TRPM3: variants seen among roughly 807,000 people sequenced by gnomAD.
TRPM3 encodes the protein transient receptor potential cation channel subfamily M member 3.
A neutral mutation model predicts 181.2 loss-of-function variants in TRPM3; 77 were observed. That is an observed-to-expected ratio of 0.42 (90% CI 0.35 to 0.51). TRPM3 has a LOEUF of 0.51. Ranked by LOEUF, TRPM3 falls within the 20% of genes least tolerant of loss-of-function variation. The probability of loss-of-function intolerance (pLI) is 0.01; values close to 1 mark genes in which losing one functional copy is unlikely to be tolerated. For synonymous variants in TRPM3, 745 were observed against 796.4 expected (o/e 0.94, Z 1.09); for missense variants, 1,759 against 2,196.7 (o/e 0.80, Z 3.98).
At chr9:70,664,939 C>T (rs953386323) in intron 9 of TRPM3, among the ~76,000 whole-genome samples, 2 of 152,112 alleles carry the variant, frequency 1.3e-5, no homozygotes, top group African/African-American at 4.8e-5. Context: ...CGTGAGCCAC[C>T]ACACCGGCCT....
chr9:70,554,577 G>T (rs2047210390), intron 22 of TRPM3, among the ~76,000 whole-genome samples: 1 of 152,148 alleles, frequency 6.6e-6, no homozygotes, highest in Non-Finnish European at 1.5e-5. Flanking sequence ...CCAATGCCCA[G>T]CTTGGCTCCA....
chr9:70,991,729 A>T (rs546296078), intron 1 of TRPM3, among the ~76,000 whole-genome samples: 1 of 152,176 alleles, frequency 6.6e-6, no homozygotes, highest in African/African-American at 2.4e-5. Context: ...AGTCCACACC[A>T]ATTAGCATCC....
At position 70,553,794 on chromosome 9, in the gene TRPM3, G is replaced by T. The variant is rs552987908; in HGVS notation, c.3224-484C>A. On this transcript the variant is annotated intron_variant, in intron 22 of 25. Coordinates refer to ENST00000677713, the MANE Select transcript of TRPM3 (RefSeq NM_001366145.2). ...ATTAACAACAGGGCAGCTGTTAATT[G>T]CTGCAAGAAACAACCTGGGAGCTCC... Among the ~76,000 whole-genome samples, 379 of 152,328 alleles carry T rather than the reference G, an allele frequency of 2.5e-3. 4 individuals are homozygous for T. Among genetic ancestry groups the T allele is most frequent in the African/African-American group, 8.9e-3 (370 of 41,550 alleles).
At chr9:70,583,569 A>G (rs1446576645) in intron 22 of TRPM3, among the ~76,000 whole-genome samples, 1 of 152,226 alleles carries the variant, frequency 6.6e-6, no homozygotes, top group African/African-American at 2.4e-5. Context: ...GAAAAGTGGA[A>G]TATTCCAAGG....
intron 1 of TRPM3, among the ~76,000 whole-genome samples, chr9:70,873,773 T>C (rs2132598531): frequency 6.6e-6 from 1 of 152,126 alleles, no homozygotes; most frequent in East Asian, 1.9e-4. Flanking sequence ...TTATTTTCTT[T>C]CCAACATGTA....
intron 1 of TRPM3, among the ~76,000 whole-genome samples, chr9:71,113,883 G>A (rs1457954627): frequency 6.6e-6 from 1 of 152,172 alleles, no homozygotes; most frequent in Non-Finnish European, 1.5e-5. Flanking sequence ...TGTTAAGTGT[G>A]TAACATTCAT....
At chr9:70,799,273 C>T (rs551269577) in intron 6 of TRPM3, among the ~76,000 whole-genome samples, 1 of 152,210 alleles carries the variant, frequency 6.6e-6, no homozygotes, top group East Asian at 1.9e-4. Flanking sequence ...GACCTTCATT[C>T]ACCACCAAGG....
chr9:70,615,874 G>A, intron 18 of TRPM3, 34 bp downstream of exon 18: 2 of 1,572,046 alleles, frequency 1.3e-6, no homozygotes, highest in Non-Finnish European at 8.6e-7. Flanking sequence ...TAGGAATTCT[G>A]CCCATAGAGA....
At chr9:70,986,136 G>A (rs1208325521) in intron 1 of TRPM3, among the ~76,000 whole-genome samples, 1 of 152,138 alleles carries the variant, frequency 6.6e-6, no homozygotes, top group Non-Finnish European at 1.5e-5. Context: ...AAGGCAGGAG[G>A]ATCCCTTGAG....
intron 1 of TRPM3, among the ~76,000 whole-genome samples, chr9:71,420,603 GAGAA>G (rs140207567): frequency 0.046 from 6,171 of 133,550 alleles, 203 homozygotes; most frequent in African/African-American, 0.085. Context: ...AGAAAGAGAA[GAGAA>G]AGAAAGAAAG....
intron 1 of TRPM3, among the ~76,000 whole-genome samples, chr9:71,047,057 G>A (rs1038692686): frequency 2.0e-5 from 3 of 152,250 alleles, no homozygotes; most frequent in African/African-American, 7.2e-5. Flanking sequence ...TTTTCTTATA[G>A]TATTTTATAA....
chr9:71,266,037 A>G (rs2083374373), intron 1 of TRPM3, among the ~76,000 whole-genome samples: 1 of 152,214 alleles, frequency 6.6e-6, no homozygotes, highest in Admixed American at 6.5e-5. Context: ...GTCTGTCTCC[A>G]GTTCCAACAC....
intron 1 of TRPM3, among the ~76,000 whole-genome samples, chr9:71,002,492 A>C (rs1004671703): frequency 6.6e-6 from 1 of 152,174 alleles, no homozygotes; most frequent in Admixed American, 6.5e-5. Context: ...ATTATTTTAC[A>C]TTGATGATGT....
Position 71,269,898 on chromosome 9 carries a change from T to C in TRPM3, c.183+176755A>G, listed in dbSNP as rs778322354. Among the ~76,000 whole-genome samples the C allele has an allele frequency of 4.3e-4, 66 of 152,200 alleles. 1 individual carries two copies. The highest frequency in any genetic ancestry group is 6.3e-4 in the Non-Finnish European group (43 of 68,036). On this transcript the variant is annotated intron_variant, in intron 1 of 24. Transcript: ENST00000357533. ...CCCTGGATCACTTTTATTCTATTAT[T>C]CAACAAAGTAGAATAAATATTTGTA...
chr9:71,380,826 C>A (rs1436731048), intron 1 of TRPM3, among the ~76,000 whole-genome samples: 2 of 152,070 alleles, frequency 1.3e-5, no homozygotes, highest in African/African-American at 4.8e-5. Flanking sequence ...GCCAAGAAGA[C>A]CCCTGAAGCT....
At chr9:71,005,339 G>A (rs535100342) in intron 1 of TRPM3, among the ~76,000 whole-genome samples, 2 of 152,218 alleles carry the variant, frequency 1.3e-5, no homozygotes, top group Non-Finnish European at 2.9e-5. Context: ...CTGGGAGGTG[G>A]AGGTTGTGGT....
intron 1 of TRPM3, among the ~76,000 whole-genome samples, chr9:70,868,120 A>G (rs568556628): frequency 6.6e-6 from 1 of 152,068 alleles, no homozygotes; most frequent in Non-Finnish European, 1.5e-5. Context: ...CGCTTAGAAA[A>G]GATGGCTTCT....
intron 1 of TRPM3, among the ~76,000 whole-genome samples, chr9:71,196,829 T>G (rs779263599): frequency 6.6e-6 from 1 of 152,058 alleles, no homozygotes; most frequent in African/African-American, 2.4e-5. Context: ...CAAAACTGTT[T>G]GCTCTAAAGC....
chr9:70,568,940 T>A (rs1230317557), intron 22 of TRPM3, among the ~76,000 whole-genome samples: 1 of 152,238 alleles, frequency 6.6e-6, no homozygotes, highest in Non-Finnish European at 1.5e-5. Flanking sequence ...GCTAACATGC[T>A]TGCTTTGGAA....
Sources: gnomAD v4.1 joint callset for allele counts (sites outside exome capture counted in the v4.1 genomes callset) on GRCh38, gnomAD v4.1.1 for gene constraint, MANE v1.5 for transcripts, NCBI Gene and HGNC (gene_info 2026-07-23, HGNC 2026-07-21) for gene names.